The following FBXL17 variants were observed in gnomAD, a reference collection of about 807,000 sequenced individuals.
FBXL17 encodes the protein F-box and leucine rich repeat protein 17, also known as F-box/LRR-repeat protein 17.
A neutral mutation model predicts 66.2 loss-of-function variants in FBXL17; 22 were observed. That is an observed-to-expected ratio of 0.33 (90% confidence interval 0.24 to 0.47). FBXL17 has a LOEUF of 0.47. FBXL17 is among the 20% of genes least tolerant of loss of function. FBXL17 has a pLI of 1.00. For missense variants in FBXL17, 878 were observed against 948.2 expected, an observed-to-expected ratio of 0.93 and a Z score of 0.97; for synonymous variants, 474 against 400.5, an observed-to-expected ratio of 1.18 and a Z score of -2.19.
intron 7 of FBXL17, among the ~76,000 whole-genome samples, chr5:107,929,035 T>G (rs1750633566): frequency 6.6e-6 from 1 of 152,134 alleles, no homozygotes; most frequent in South Asian, 2.1e-4. Context: ...TACCTTTCTT[T>G]ACATAGTTCA....
intron 3 of FBXL17, among the ~76,000 whole-genome samples, chr5:108,351,918 G>C (rs1190817078): frequency 3.9e-5 from 6 of 152,246 alleles, no homozygotes; most frequent in Admixed American, 2.0e-4. Context: ...GTAAATCACA[G>C]CGCCGCAGGC....
rs1455043191 is a variant in FBXL17, at chr5:107,860,436, T to C, written c.*1284A>G. ...GTTATTTGAGCCTGAGTCCCTATTA[T>C]GAATTAATTGTAAAGATGTGTTAAA... On this transcript the variant is annotated 3_prime_UTR_variant, in exon 9 of 9. Transcript: ENST00000542267. 2.0e-5 allele frequency: 3 copies of C among 152,644 alleles called. No homozygotes were observed. Among genetic ancestry groups the C allele is most frequent in the Non-Finnish European group, 2.9e-5 (2 of 68,026 alleles). 9.5% of individuals were successfully genotyped at this position (152,644 alleles called of 1,614,324 possible).
intron 6 of FBXL17, among the ~76,000 whole-genome samples, chr5:108,131,843 T>C (rs756694902): frequency 6.6e-6 from 1 of 152,230 alleles, no homozygotes; most frequent in Non-Finnish European, 1.5e-5. Context: ...TTTATTTGTA[T>C]AAAATCATTT....
At chr5:107,904,419 C>T (rs763917437) in intron 7 of FBXL17, among the ~76,000 whole-genome samples, 2 of 152,164 alleles carry the variant, frequency 1.3e-5, no homozygotes, top group African/African-American at 2.4e-5. Flanking sequence ...CCCCAGTCAA[C>T]GACCAAGTCT....
At chr5:108,052,433 G>A (rs6867631) in intron 6 of FBXL17, among the ~76,000 whole-genome samples, 85,428 of 151,846 alleles carry the variant, frequency 0.56, 24,125 homozygotes, top group Admixed American at 0.63. Flanking sequence ...AATCACGAAT[G>A]AACTCCCAAT....
At chr5:108,177,913 A>G (rs1752853375) in intron 6 of FBXL17, among the ~76,000 whole-genome samples, 1 of 136,736 alleles carries the variant, frequency 7.3e-6, no homozygotes, top group East Asian at 2.2e-4. Context: ...AAAAAAATGT[A>G]TATATATATA....
chr5:108,375,597 G>A (rs1026468331), intron 1 of FBXL17, among the ~76,000 whole-genome samples: 38 of 152,060 alleles, frequency 2.5e-4, no homozygotes, highest in African/African-American at 8.9e-4. Context: ...GAAAATCTGA[G>A]TAGATGTACA....
chr5:107,871,751 A>C (rs1561512168), intron 8 of FBXL17, among the ~76,000 whole-genome samples: 1 of 149,542 alleles, frequency 6.7e-6, no homozygotes, highest in African/African-American at 2.5e-5. Context: ...AGCAATTTGA[A>C]AAAAAAAAAA....
At chr5:108,174,627 G>T (rs531920869) in intron 6 of FBXL17, among the ~76,000 whole-genome samples, 3 of 151,106 alleles carry the variant, frequency 2.0e-5, no homozygotes, top group African/African-American at 7.3e-5. Flanking sequence ...GTTCATAGTA[G>T]CAATTAACCA....
At chr5:108,181,914 T>A (rs906724095) in intron 6 of FBXL17, among the ~76,000 whole-genome samples, 4 of 152,030 alleles carry the variant, frequency 2.6e-5, no homozygotes, top group African/African-American at 7.2e-5. Flanking sequence ...GATGGAAAAA[T>A]ACATCCACTG....
chr5:108,148,510 C>A (rs1167891467), intron 6 of FBXL17, among the ~76,000 whole-genome samples: 1 of 152,106 alleles, frequency 6.6e-6, no homozygotes, highest in African/African-American at 2.4e-5. Context: ...CCAAATAAAC[C>A]CTCTAAGTTT....
chr5:108,108,685 C>A (rs158182), intron 6 of FBXL17, among the ~76,000 whole-genome samples: 1 of 151,928 alleles, frequency 6.6e-6, no homozygotes, highest in Admixed American at 6.6e-5. Flanking sequence ...ACACTCCTTA[C>A]AAATCCTGGA....
In FBXL17 at chr5:108,204,814, T is replaced by G. The variant is rs531615897; in HGVS notation, c.1615-18567A>C. Among the ~76,000 whole-genome samples the G allele has an allele frequency of 3.4e-5, 4 of 118,046 alleles. No individual in the cohort carries two copies. In the Admixed American group the frequency reaches 3.7e-4, roughly 11 times the overall value. 77.4% of individuals were successfully genotyped at this position (118,046 alleles called of 152,430 possible). On this transcript the variant is annotated intron_variant, in intron 5 of 8. Coordinates refer to ENST00000542267, the MANE Select transcript of FBXL17 (RefSeq NM_001163315.3). ...TTAATTTTTTTACCCCTTAAAAGTT[T>G]TTTAATCATTATGGAAATTTTCATA...
chr5:108,081,908 T>A (rs1271988474), intron 6 of FBXL17, among the ~76,000 whole-genome samples: 2 of 152,148 alleles, frequency 1.3e-5, no homozygotes, highest in Non-Finnish European at 2.9e-5. Context: ...GACTGCTGAC[T>A]CAGCTGAACA....
chr5:107,998,372 C>T (rs554382054), intron 7 of FBXL17, among the ~76,000 whole-genome samples: 2 of 152,200 alleles, frequency 1.3e-5, no homozygotes, highest in South Asian at 4.1e-4. Context: ...TTCTTCAACT[C>T]AAACGTAAAG....
chr5:108,068,221 A>G (rs1236970591), intron 6 of FBXL17, among the ~76,000 whole-genome samples: 1 of 152,134 alleles, frequency 6.6e-6, no homozygotes, highest in Non-Finnish European at 1.5e-5. Flanking sequence ...ATTTTTGCTT[A>G]TGGATCTAAG....
In FBXL17 at chr5:108,083,218, AACAC is replaced by A. The variant is rs756726228; in HGVS notation, c.1746-62221_1746-62218del. Among the ~76,000 whole-genome samples the A allele has an allele frequency of 1.4e-4, 20 of 144,580 alleles. 1 individual carries two copies. The highest frequency in any genetic ancestry group is 4.2e-4 in the Admixed American group (6 of 14,312). The allele number at this position is 144,580 out of a possible 152,430, so 94.9% of individuals were successfully genotyped here. ...GGCTTCTCCCTCACCCTCACCTCAG[AACAC>A]ACACACACACACACACACACACACA... is the stretch of plus-strand genomic sequence containing the variant. On this transcript the variant is annotated intron_variant, in intron 6 of 8. Transcript: ENST00000542267.
chr5:108,020,661 T>A (rs1162577420), intron 7 of FBXL17: 3 of 262,090 alleles, frequency 1.1e-5, no homozygotes, highest in Non-Finnish European at 2.2e-5. Flanking sequence ...CTATACTTTT[T>A]AATTTTGTGT....
At chr5:108,261,995 G>A (rs1445103252) in intron 4 of FBXL17, among the ~76,000 whole-genome samples, 2 of 151,714 alleles carry the variant, frequency 1.3e-5, no homozygotes, top group African/African-American at 2.4e-5. Flanking sequence ...GGGAGATGGG[G>A]GGGATGGGAC....
Sources: allele counts gnomAD v4.1 joint callset (sites outside exome capture counted in the v4.1 genomes callset), GRCh38; gene constraint gnomAD v4.1.1; transcripts MANE v1.5; gene names NCBI Gene and HGNC (gene_info 2026-07-23, HGNC 2026-07-21).